Variants in AUTS2 observed in about 807,000 individuals in gnomAD.
AUTS2 encodes autism susceptibility gene 2 protein.
A neutral mutation model predicts 112.4 loss-of-function variants in AUTS2; 17 were observed. The ratio of observed to expected loss-of-function variants is 0.15; its 90% CI spans 0.10 to 0.23. The LOEUF is 0.23. Ranked by LOEUF, AUTS2 falls within the 10% of genes least tolerant of loss-of-function variation. The pLI is 1.00. For missense variants in AUTS2, 1,510 were observed against 1,701.6 expected (o/e 0.89, Z 1.98); for synonymous variants, 751 against 702.7 (o/e 1.07, Z -1.09).
intron 5 of AUTS2, among the ~76,000 whole-genome samples, chr7:70,651,208 GA>G (rs1342035558): frequency 1.3e-5 from 2 of 152,196 alleles, no homozygotes; most frequent in Admixed American, 6.5e-5. Context: ...TAAGGATCAT[GA>G]CATACAAAGA....
At chr7:70,726,588 A>G (rs994547042) in intron 6 of AUTS2, among the ~76,000 whole-genome samples, 1 of 152,210 alleles carries the variant, frequency 6.6e-6, no homozygotes, top group African/African-American at 2.4e-5. Flanking sequence ...TAAAAATACC[A>G]CAGTACAAGT....
At chr7:70,322,640 G>A (rs548279750) in intron 4 of AUTS2, among the ~76,000 whole-genome samples, 2 of 152,324 alleles carry the variant, frequency 1.3e-5, no homozygotes, top group African/African-American at 2.4e-5. Context: ...AATCGAGCAA[G>A]TGAAAGTGTG....
At chr7:70,074,446 T>C (rs1802930092) in intron 2 of AUTS2, among the ~76,000 whole-genome samples, 1 of 152,206 alleles carries the variant, frequency 6.6e-6, no homozygotes, top group Non-Finnish European at 1.5e-5. Context: ...TAGTTGACAC[T>C]GGCCACATAA....
chr7:70,413,636 C>G (rs1025091419), intron 4 of AUTS2, among the ~76,000 whole-genome samples: 3 of 152,022 alleles, frequency 2.0e-5, no homozygotes, highest in Non-Finnish European at 4.4e-5. Flanking sequence ...CTCATTCCTC[C>G]TTAGAGTTAC....
chr7:69,660,122 A>C (rs944294380), intron 1 of AUTS2, among the ~76,000 whole-genome samples: 1 of 152,242 alleles, frequency 6.6e-6, no homozygotes, highest in Non-Finnish European at 1.5e-5. Flanking sequence ...GAGAAACAGC[A>C]TTCCAGGCTT....
intron 1 of AUTS2, among the ~76,000 whole-genome samples, chr7:69,635,428 C>T (rs529136764): frequency 6.6e-6 from 1 of 152,238 alleles, no homozygotes; most frequent in South Asian, 2.1e-4. Flanking sequence ...ATAGTTATAC[C>T]TAGACTGGTG....
At chr7:70,349,023 T>C (rs1386633906) in intron 4 of AUTS2, among the ~76,000 whole-genome samples, 1 of 152,230 alleles carries the variant, frequency 6.6e-6, no homozygotes, top group African/African-American at 2.4e-5. Context: ...TCAGGAACTA[T>C]TCTAATGCTT....
intron 4 of AUTS2, among the ~76,000 whole-genome samples, chr7:70,147,797 T>A (rs1807210581): frequency 1.3e-5 from 2 of 152,088 alleles, no homozygotes; most frequent in Admixed American, 1.3e-4. Flanking sequence ...AACCCAAGAA[T>A]CACGGAAAGG....
rs901402913 is a variant in AUTS2 at position 70,522,499 on chromosome 7, G to A, written c.690+86718G>A. Among the ~76,000 whole-genome samples, 12 of 152,228 alleles carry A rather than the reference G, an allele frequency of 7.9e-5. No homozygotes were observed. The South Asian group carries it at 8.3e-4, about 11-fold the overall frequency. On this transcript the variant is annotated intron_variant, in intron 5 of 18. Transcript: ENST00000342771. ...AGTCCCCACTGTCTGTTGTTGCCAC[G>A]TTTTGTCCATGTATACCCAATATTT...
chr7:69,865,101 AG>A (rs1469117522), intron 1 of AUTS2, among the ~76,000 whole-genome samples: 62 of 146,672 alleles, frequency 4.2e-4, no homozygotes, highest in African/African-American at 1.4e-3. Context: ...ATAGGATGGT[AG>A]GTTTTTTTTT....
chr7:69,838,119 A>G (rs1053359034), intron 1 of AUTS2, among the ~76,000 whole-genome samples: 1 of 152,160 alleles, frequency 6.6e-6, no homozygotes, highest in Non-Finnish European at 1.5e-5. Context: ...GTATCTGACA[A>G]CTGGAGGGGT....
At chr7:69,917,202 T>C (rs1795613453) in intron 2 of AUTS2, among the ~76,000 whole-genome samples, 1 of 152,010 alleles carries the variant, frequency 6.6e-6, no homozygotes, top group African/African-American at 2.4e-5. Flanking sequence ...TTTTTTTCTT[T>C]CTTTCTTTAG....
chr7:70,513,039 T>G (rs1406184798), intron 5 of AUTS2, among the ~76,000 whole-genome samples: 1 of 152,164 alleles, frequency 6.6e-6, no homozygotes, highest in East Asian at 1.9e-4. Context: ...AGCACTCAAG[T>G]GTTGATGGAC....
At chr7:70,780,219 G>A (rs1427640655) in intron 14 of AUTS2, among the ~76,000 whole-genome samples, 1 of 152,128 alleles carries the variant, frequency 6.6e-6, no homozygotes, top group Admixed American at 6.6e-5. Context: ...CAAGAAACAA[G>A]GAGGTGGGGC....
intron 4 of AUTS2, among the ~76,000 whole-genome samples, chr7:70,371,451 C>T (rs1792832960): frequency 6.6e-6 from 1 of 152,192 alleles, no homozygotes. Context: ...TTTGATCAAA[C>T]AGATGTAAGA....
rs952509333 is a variant in AUTS2 at position 70,455,458 on chromosome 7, C to T, written c.690+19677C>T. Among the ~76,000 whole-genome samples the T allele has an allele frequency of 5.9e-5, 9 of 152,068 alleles. 1 individual carries two copies. The highest frequency in any genetic ancestry group is 5.9e-4 in the Admixed American group (9 of 15,262). ...TGTTAGCAAGCCAAATATGACCTGGCCTGCAGGGTACAAGAAGACATGGAA... is the reference window on the plus strand; with the variant it reads ...TGTTAGCAAGCCAAATATGACCTGGTCTGCAGGGTACAAGAAGACATGGAA... On this transcript the variant is annotated intron_variant, in intron 5 of 18. Transcript: ENST00000342771.
At chr7:70,674,241 A>T (rs562223640) in intron 5 of AUTS2, among the ~76,000 whole-genome samples, 40 of 152,332 alleles carry the variant, frequency 2.6e-4, no homozygotes, top group African/African-American at 9.6e-4. Flanking sequence ...GCCTCTTGTC[A>T]TGCCTTCATA....
chr7:70,571,155 G>C (rs934847421), intron 5 of AUTS2, among the ~76,000 whole-genome samples: 1 of 152,204 alleles, frequency 6.6e-6, no homozygotes, highest in African/African-American at 2.4e-5. Context: ...CTTTGAGCTA[G>C]ATGAGCAATA....
intron 1 of AUTS2, among the ~76,000 whole-genome samples, chr7:69,860,520 G>A (rs1792929002): frequency 6.6e-6 from 1 of 151,854 alleles, no homozygotes; most frequent in South Asian, 2.1e-4. Flanking sequence ...CCCCTGCACC[G>A]GAATCACAAT....
Sources: allele counts gnomAD v4.1 joint callset (sites outside exome capture counted in the v4.1 genomes callset), GRCh38; gene constraint gnomAD v4.1.1; transcripts MANE v1.5; gene names NCBI Gene and HGNC (gene_info 2026-07-23, HGNC 2026-07-21).